ZNF26: variants seen among roughly 807,000 people sequenced by gnomAD.
ZNF26 encodes zinc finger protein 26, also known as epididymis luminal protein 179.
In ZNF26, 32 loss-of-function variants were observed where a neutral mutation model predicts 54.9. The ratio of observed to expected loss-of-function variants is 0.58; its 90% CI spans 0.44 to 0.78. The LOEUF (loss-of-function observed/expected upper bound fraction) is 0.78, where lower values mean the gene tolerates loss of function less well. ZNF26 is among the 30% of genes least tolerant of loss of function. ZNF26 has a pLI of 0.00. For synonymous variants in ZNF26, 221 were observed against 209.2 expected, an observed-to-expected ratio of 1.06 and a Z score of -0.49; for missense variants, 524 against 634.0, an observed-to-expected ratio of 0.83 and a Z score of 1.86.
intron 1 of ZNF26, among the ~76,000 whole-genome samples, chr12:132,988,048 G>T (rs1007473896): frequency 6.6e-6 from 1 of 152,202 alleles, no homozygotes; most frequent in South Asian, 2.1e-4. Context: ...TCGCTCTGTC[G>T]CCCAGGCTGG....
intron 3 of ZNF26, among the ~76,000 whole-genome samples, chr12:133,009,363 C>T (rs61953677): frequency 0.2 from 30,646 of 152,094 alleles, 3,926 homozygotes; most frequent in Non-Finnish European, 0.29. Flanking sequence ...GAGGCCAAGG[C>T]GGGCGGATCG....
intron 1 of ZNF26, among the ~76,000 whole-genome samples, chr12:132,996,588 T>C (rs1953089249): frequency 6.6e-6 from 1 of 152,262 alleles, no homozygotes; most frequent in African/African-American, 2.4e-5. Context: ...TGAGAATTTA[T>C]CAAATGTGCA....
rs1049454687 is a variant in ZNF26 at position 132,997,276 on chromosome 12, T to C, written c.34-9766T>C. Among the ~76,000 whole-genome samples, 470 of 152,176 alleles carry C rather than the reference T, an allele frequency of 3.1e-3. 2 individuals carry two copies. The highest frequency in any genetic ancestry group is 0.01 in the African/African-American group (428 of 41,496). On this transcript the variant is annotated intron_variant, in intron 1 of 3. Coordinates refer to ENST00000328654, the MANE Select transcript of ZNF26 (RefSeq NM_019591.4). ...GTTAATCAGAAGCTCACATGGTAGA[T>C]TAGTTTCCAAGATGGAGTCCAGAAC...
At position 133,018,418 on chromosome 12, in the gene ZNF26, A is replaced by G. The variant is rs1404827620; in HGVS notation, c.*6937A>G. The G allele has an allele frequency of 2.6e-5, 4 of 152,244 alleles. No individual in the cohort carries two copies. The highest frequency in any genetic ancestry group is 9.6e-5 in the African/African-American group (4 of 41,466). 9.4% of individuals were successfully genotyped at this position (152,244 alleles called of 1,614,324 possible). ...ATAAAAGTCTTATTGGAATTAAGGT[A>G]GTATAAATCTGAAGTAGACTCTGAT... is the stretch of plus-strand genomic sequence containing the variant. On this transcript the variant is annotated 3_prime_UTR_variant, in exon 4 of 4. Coordinates refer to ENST00000328654, the MANE Select transcript of ZNF26 (RefSeq NM_019591.4).
Position 133,010,522 on chromosome 12 carries a change from T to G in ZNF26, c.643T>G (p.Ser215Ala), listed in dbSNP as rs903285929. 3.7e-6 allele frequency: 6 copies of G among 1,614,080 alleles called. No homozygotes were observed. The highest frequency in any genetic ancestry group is 5.1e-6 in the Non-Finnish European group (6 of 1,180,018). Reference protein sequence around the residue: ...SKCERAFSAKSNLNAHQRVHT... With the variant: ...SKCERAFSAKANLNAHQRVHT... ...ATGTGAAAGAGCCTTCAGTGCCAAG[T>G]CAAACCTTAATGCTCATCAGAGAGT... The change falls in exon 4 of 4, where the codon TCA becomes GCA. Residue 215 changes from serine to alanine, a missense_variant. Physicochemically the swap from Ser to Ala is moderately conservative, Grantham distance 99 (BLOSUM62 1). Transcript: ENST00000328654.
At chr12:132,987,307 T>C (rs1307674478) in intron 1 of ZNF26, among the ~76,000 whole-genome samples, 3 of 152,236 alleles carry the variant, frequency 2.0e-5, no homozygotes, top group African/African-American at 4.8e-5. Context: ...ATTATGTATG[T>C]TCCTAATTTT....
rs1953602058 is a variant in ZNF26, at chr12:133,018,907, A to G, written c.*7426A>G. The G allele has an allele frequency of 6.6e-6, 1 of 152,186 alleles. No homozygotes were observed. The highest frequency in any genetic ancestry group is 1.5e-5 in the Non-Finnish European group (1 of 68,024). The allele number at this position is 152,186 out of a possible 1,614,324, so 9.4% of individuals were successfully genotyped here. A position where few individuals can be genotyped will look rare whatever the true frequency, so the allele number is the denominator to read the frequency against. Reference sequence around the variant, plus strand: ...CGCACCTGGCCAGTAATAACATTAAATGTGAATAGATTAAACTATCAAAAG... The same window carrying G: ...CGCACCTGGCCAGTAATAACATTAAGTGTGAATAGATTAAACTATCAAAAG... On this transcript the variant is annotated 3_prime_UTR_variant, in exon 4 of 4. Transcript: ENST00000328654.
At position 133,023,854 on chromosome 12, in the gene ZNF26, G is replaced by A. The variant is rs1163780403; in HGVS notation, c.*12373G>A. ...AGATCCTTCATTTGCCATGTAAGCAGTCCTTGAAGCTGCAGTACTAGGAGG... is the reference window on the plus strand; with the variant it reads ...AGATCCTTCATTTGCCATGTAAGCAATCCTTGAAGCTGCAGTACTAGGAGG... On this transcript the variant is annotated 3_prime_UTR_variant, in exon 4 of 4. Coordinates refer to ENST00000328654, the MANE Select transcript of ZNF26 (RefSeq NM_019591.4). The A allele has an allele frequency of 2.0e-5, 3 of 152,240 alleles. No homozygotes were observed. The highest frequency in any genetic ancestry group is 4.4e-5 in the Non-Finnish European group (3 of 68,048). The allele number at this position is 152,240 out of a possible 1,614,324, so 9.4% of individuals were successfully genotyped here.
rs201946247 is a variant in ZNF26, at chr12:133,007,198, T to C, written c.160+30T>C. 20 of 1,604,332 alleles carry C rather than the reference T, an allele frequency of 1.2e-5. No individual in the cohort carries two copies. In the African/African-American group the frequency reaches 1.9e-4, roughly 15 times the overall value. ...GTACTGCGTCTCAATGTTACTCAGA[T>C]AGTGAATATTAAATTGCCATCCCTT... On this transcript the variant is annotated intron_variant, in intron 2 of 3. Transcript: ENST00000328654.
At chr12:132,995,941 C>A (rs1241924396) in intron 1 of ZNF26, among the ~76,000 whole-genome samples, 1 of 152,170 alleles carries the variant, frequency 6.6e-6, no homozygotes, top group South Asian at 2.1e-4. Flanking sequence ...GGTGAGCCAC[C>A]ATACCTGACC....
At chr12:133,006,872 C>T (rs1953342324) in intron 1 of ZNF26, 170 bp from the exon 2 acceptor site, 12 of 864,138 alleles carry the variant, frequency 1.4e-5, no homozygotes, top group Middle Eastern at 3.2e-4. Flanking sequence ...GCGTGAGCCA[C>T]CGTGCCTGGC....
chr12:133,020,471 ATATT>A lies in ZNF26; in HGVS notation c.*8994_*8997del, dbSNP rs1262469989. The A allele has an allele frequency of 6.6e-6, 1 of 151,928 alleles. No individual in the cohort carries two copies. Among genetic ancestry groups the A allele is most frequent in the Non-Finnish European group, 1.5e-5 (1 of 67,992 alleles). 9.4% of individuals were successfully genotyped at this position (151,928 alleles called of 1,614,324 possible). A position where few individuals can be genotyped will look rare whatever the true frequency, so the allele number is the denominator to read the frequency against. ...TATAATATATTTACATTTTGTTTAT[ATATT>A]TATATTTTGCCTCAAAAAAGGCAAA... is the stretch of plus-strand genomic sequence containing the variant. On this transcript the variant is annotated 3_prime_UTR_variant, in exon 4 of 4. Coordinates refer to ENST00000328654, the MANE Select transcript of ZNF26 (RefSeq NM_019591.4).
chr12:133,005,833 C>A, intron 1 of ZNF26: 1 of 153,308 alleles, frequency 6.5e-6, no homozygotes, highest in Non-Finnish European at 1.4e-5. Context: ...ACTTCCTGGC[C>A]TCCAGAACCT....
In ZNF26 at chr12:133,011,066, A is replaced by C; in HGVS notation, c.1187A>C (p.Lys396Thr). The C allele has an allele frequency of 6.2e-7, 1 of 1,614,166 alleles. No homozygotes were observed. Among genetic ancestry groups the C allele is most frequent in the Non-Finnish European group, 8.5e-7 (1 of 1,180,024 alleles). ...TAHLRAHAGE[K>T]PYGCSECGKA... ...CATCTGAGAGCTCATGCAGGAGAGA[A>C]GCCCTATGGATGCAGTGAATGTGGG... The change falls in exon 4 of 4, where the codon AAG (lysine) becomes ACG (threonine). Residue 396 changes from lysine to threonine, a missense_variant. Coordinates refer to ENST00000328654, the MANE Select transcript of ZNF26 (RefSeq NM_019591.4).
rs934657601 is a variant in ZNF26, at chr12:133,011,145, A to G, written c.1266A>G (p.Gly422=). 2.0e-5 allele frequency: 33 copies of G among 1,614,064 alleles called. No individual in the cohort carries two copies. The highest frequency in any genetic ancestry group is 6.7e-5 in the Admixed American group (4 of 60,000). Residue 422 remains glycine, a synonymous_variant, in exon 4 of 4, where the codon GGA becomes GGG. Transcript: ENST00000328654. The part of the protein sequence containing the change: ...YLVIHRRTHT[G]ERPYECSLCE... ...TTATACATAGGAGAACACACACCGG[A>G]GAGAGACCCTATGAATGTAGTTTGT... is the stretch of plus-strand genomic sequence containing the variant.
At position 133,015,073 on chromosome 12, in the gene ZNF26, T is replaced by C. The variant is rs1953547951; in HGVS notation, c.*3592T>C. On this transcript the variant is annotated 3_prime_UTR_variant, in exon 4 of 4. Coordinates refer to ENST00000328654, the MANE Select transcript of ZNF26 (RefSeq NM_019591.4). ...GTGTGTTATTGAAAGTAGTAGCTAC[T>C]GGCCGGGCGTGGTGGCTCACGCCTG... 1.3e-5 allele frequency: 2 copies of C among 149,708 alleles called. No homozygotes were observed. The highest frequency in any genetic ancestry group is 1.3e-4 in the Admixed American group (2 of 14,974). 9.3% of individuals were successfully genotyped at this position (149,708 alleles called of 1,614,324 possible). A position where few individuals can be genotyped will look rare whatever the true frequency, so the allele number is the denominator to read the frequency against.
intron 3 of ZNF26, among the ~76,000 whole-genome samples, chr12:133,008,789 A>G (rs1002091576): frequency 6.6e-6 from 1 of 150,642 alleles, no homozygotes; most frequent in Non-Finnish European, 1.5e-5. Context: ...AAAAAAAAAA[A>G]AAAAAAGAAA....
chr12:132,994,715 C>G (rs907600874), intron 1 of ZNF26, among the ~76,000 whole-genome samples: 1 of 152,150 alleles, frequency 6.6e-6, no homozygotes, highest in Admixed American at 6.5e-5. Context: ...TTTTCAGTTA[C>G]TGGTTATTTT....
chr12:132,992,779 T>A (rs776659966), intron 1 of ZNF26, among the ~76,000 whole-genome samples: 2 of 152,200 alleles, frequency 1.3e-5, no homozygotes, highest in Non-Finnish European at 2.9e-5. Flanking sequence ...AGGCACCGAC[T>A]GTCTTTCTTC....
Sources: allele counts gnomAD v4.1 joint callset (sites outside exome capture counted in the v4.1 genomes callset), GRCh38; gene constraint gnomAD v4.1.1; transcripts MANE v1.5; gene names NCBI Gene and HGNC (gene_info 2026-07-23, HGNC 2026-07-21).